ACSM4: variants seen among roughly 807,000 people sequenced by gnomAD.
The protein encoded by ACSM4 is acyl-coenzyme A synthetase ACSM4, mitochondrial.
A neutral mutation model predicts 73.0 loss-of-function variants in ACSM4; 66 were observed. The ratio of observed to expected loss-of-function variants is 0.90; its 90% CI spans 0.74 to 1.11. ACSM4 has a LOEUF of 1.11. ACSM4 is among the 50% of genes least tolerant of loss of function. The probability of loss-of-function intolerance (pLI) is 0.00; values close to 1 mark genes in which losing one functional copy is unlikely to be tolerated. For synonymous variants in ACSM4, 222 were observed against 254.0 expected, an observed-to-expected ratio of 0.87 and a Z score of 1.20; for missense variants, 645 against 714.4, an observed-to-expected ratio of 0.90 and a Z score of 1.11.
At chr12:7,306,845 GACAAAA>G in intron 2 of ACSM4, 102 bp downstream of exon 2, 1 of 332,950 alleles carries the variant, frequency 3.0e-6, no homozygotes, top group Non-Finnish European at 4.1e-6. Flanking sequence ...GCATACAGAA[GACAAAA>G]AAAAAAAAAA....
rs762939898 is a variant in ACSM4, at chr12:7,310,686, C to T, written c.560C>T (p.Thr187Ile). Residue 187 changes from threonine (T) to isoleucine (I), a missense_variant, in exon 3 of 13, where the codon ACA becomes ATA. By Grantham distance (89) the Thr-to-Ile change is moderately conservative. Transcript: ENST00000399422. ...GTATTGGAGTGTCCTGACCTTAAGA[C>T]AAAACTCCTGGTGTCTCCACAAAGC... ...SIVLECPDLK[T>I]KLLVSPQSWN... is the part of the protein sequence containing the mutation. 1.2e-6 allele frequency: 2 copies of T among 1,613,598 alleles called. No individual in the cohort carries two copies. The highest frequency in any genetic ancestry group is 1.1e-5 in the South Asian group (1 of 90,972).
intron 2 of ACSM4, among the ~76,000 whole-genome samples, chr12:7,309,767 G>T (rs1946379965): frequency 6.6e-6 from 1 of 151,888 alleles, no homozygotes; most frequent in African/African-American, 2.4e-5. Context: ...ACTCACTTTG[G>T]AGGCCACTGG....
rs774837620 is a variant in ACSM4 at position 7,323,236 on chromosome 12, A to C, written c.1128A>C (p.Gly376=). 48 of 1,606,892 alleles carry C rather than the reference A, an allele frequency of 3.0e-5. No homozygotes were observed. Among genetic ancestry groups the C allele is most frequent in the Non-Finnish European group, 4.0e-5 (47 of 1,176,688 alleles). ...LYEGYGQTEV[G]MICANQKGQE... The stretch of plus-strand genomic sequence containing the variant: ...TACAAAGCTTGTCCTCTCAATAGGG[A>C]ATGATTTGTGCCAATCAGAAAGGCC... The change falls in exon 8 of 13, where the codon GGA becomes GGC. Residue 376 remains glycine (G), a splice_region_variant and synonymous_variant. Coordinates refer to ENST00000399422, the MANE Select transcript of ACSM4 (RefSeq NM_001080454.2).
At chr12:7,320,851 T>A in intron 6 of ACSM4, 47 bp downstream of exon 6, 1 of 1,468,352 alleles carries the variant, frequency 6.8e-7, no homozygotes. Flanking sequence ...ATAGCTACCA[T>A]CCAGGATCAC....
chr12:7,328,546 C>A lies in ACSM4; in HGVS notation c.*173C>A, dbSNP rs1046897048. ...AAAAAGTTTAAAAGTAAATAAAAGC[C>A]TCAAAAACGTATGGATGAAAATTGT... On this transcript the variant is annotated 3_prime_UTR_variant, in exon 13 of 13. Coordinates refer to ENST00000399422, the MANE Select transcript of ACSM4 (RefSeq NM_001080454.2). 3.0e-5 allele frequency: 12 copies of A among 400,660 alleles called. No homozygotes were observed. Among genetic ancestry groups the A allele is most frequent in the African/African-American group, 2.3e-4 (11 of 47,368 alleles). The allele number at this position is 400,660 out of a possible 1,614,324, so 24.8% of individuals were successfully genotyped here.
intron 7 of ACSM4, among the ~76,000 whole-genome samples, chr12:7,322,785 G>A (rs769590214): frequency 6.6e-6 from 1 of 152,238 alleles, no homozygotes; most frequent in Admixed American, 6.5e-5. Context: ...AGGCGTTAGC[G>A]GGTGGGTGAG....
At chr12:7,307,852 T>G (rs1946370153) in intron 2 of ACSM4, among the ~76,000 whole-genome samples, 1 of 152,254 alleles carries the variant, frequency 6.6e-6, no homozygotes, top group Admixed American at 6.5e-5. Flanking sequence ...TCTGGGCCTT[T>G]ATTGAAAAGT....
intron 11 of ACSM4, among the ~76,000 whole-genome samples, chr12:7,325,291 T>G (rs1009240401): frequency 2.0e-5 from 3 of 152,198 alleles, no homozygotes; most frequent in African/African-American, 7.2e-5. Flanking sequence ...AAGCCACAGA[T>G]TTCACTGAAT....
chr12:7,314,669 TC>T (rs1362798884), intron 3 of ACSM4, among the ~76,000 whole-genome samples: 2 of 152,090 alleles, frequency 1.3e-5, no homozygotes, highest in Non-Finnish European at 2.9e-5. Flanking sequence ...ATGCCTTCTA[TC>T]AAAAGGTTTC....
intron 1 of ACSM4, among the ~76,000 whole-genome samples, 178 bp downstream of exon 1, chr12:7,304,710 C>T (rs1003857738): frequency 6.6e-6 from 1 of 152,178 alleles, no homozygotes; most frequent in African/African-American, 2.4e-5. Flanking sequence ...TCCTCAGCCA[C>T]AAATGGCTGG....
chr12:7,323,420 A>T, intron 8 of ACSM4, 39 bp from the exon 9 acceptor site: 5 of 1,607,950 alleles, frequency 3.1e-6, no homozygotes, highest in Non-Finnish European at 4.3e-6. Flanking sequence ...TTTTGTGAAA[A>T]GAAAATTTTA....
chr12:7,323,300 C>T lies in ACSM4; in HGVS notation c.1192C>T (p.Pro398Ser), dbSNP rs778808405. ...KPGSMGKGMLPYDVQIIDENG... is the reference protein window; with the variant it reads ...KPGSMGKGMLSYDVQIIDENG... ...AGGTTCAATGGGGAAAGGAATGCTG[C>T]CCTATGATGTCCAGGTAGGTTGAGA... Residue 398 changes from proline (P) to serine (S), a missense_variant, in exon 8 of 13, where the codon CCC becomes TCC. Physicochemically the swap from Pro to Ser is moderately conservative, Grantham distance 74. Coordinates refer to ENST00000399422, the MANE Select transcript of ACSM4 (RefSeq NM_001080454.2). 3.2e-5 allele frequency: 51 copies of T among 1,610,872 alleles called. No individual in the cohort carries two copies. The highest frequency in any genetic ancestry group is 4.2e-5 in the Non-Finnish European group (49 of 1,178,608).
intron 5 of ACSM4, 54 bp downstream of exon 5, chr12:7,318,236 T>TA (rs1278013385): frequency 2.5e-6 from 4 of 1,580,726 alleles, no homozygotes; most frequent in Non-Finnish European, 3.4e-6. Flanking sequence ...TTGTTTCCCA[T>TA]AAAATCACAA....
At position 7,320,502 on chromosome 12, in the gene ACSM4, T is replaced by C. The variant is rs145262450; in HGVS notation, c.922-223T>C. ...CTTGTTGAATTAGATTGTGTATGTC[T>C]GTTACTGTAATATTAATATATATAC... is the stretch of plus-strand genomic sequence containing the variant. On this transcript the variant is annotated intron_variant, in intron 5 of 12. Transcript: ENST00000399422. Among the ~76,000 whole-genome samples the C allele has an allele frequency of 4.4e-3, 676 of 152,354 alleles. 4 individuals are homozygous for C. Among genetic ancestry groups the C allele is most frequent in the Middle Eastern group, 0.024 (7 of 294 alleles).
Position 7,309,905 on chromosome 12 carries a change from T to A in ACSM4, c.413-634T>A, listed in dbSNP as rs182285470. On this transcript the variant is annotated intron_variant, in intron 2 of 12. Transcript: ENST00000399422. ...TTCAAGTGATTCTCCTGCCTAGGCC[T>A]CCTGAGTAGCTGGGACTATAGGCGT... 2.1e-3 allele frequency among the ~76,000 whole-genome samples: 326 copies of A among 152,298 alleles called. 1 individual carries two copies. The highest frequency in any genetic ancestry group is 7.3e-3 in the African/African-American group (304 of 41,570).
intron 6 of ACSM4, among the ~76,000 whole-genome samples, chr12:7,321,376 A>G (rs1244293788): frequency 3.3e-5 from 5 of 152,242 alleles, no homozygotes; most frequent in South Asian, 2.1e-4. Flanking sequence ...TTCAAACTCA[A>G]TACATGAGGA....
Position 7,325,516 on chromosome 12 carries a change from G to A in ACSM4, c.1536+918G>A, listed in dbSNP as rs780236352. ...ACAAAAATTAGCCTGGCATGGTGGC[G>A]GGCACCTGTAATCTCAGCTACTTAG... On this transcript the variant is annotated intron_variant, in intron 11 of 12. Transcript: ENST00000399422. Among the ~76,000 whole-genome samples the A allele has an allele frequency of 1.1e-4, 17 of 152,198 alleles. No individual in the cohort carries two copies. In the South Asian group the frequency reaches 2.1e-3, roughly 19 times the overall value.
At chr12:7,306,914 A>G (rs1946365852) in intron 2 of ACSM4, among the ~76,000 whole-genome samples, 171 bp downstream of exon 2, 1 of 150,780 alleles carries the variant, frequency 6.6e-6, no homozygotes, top group African/African-American at 2.4e-5. Flanking sequence ...ACCAAGAGGG[A>G]GGTATTAGTG....
chr12:7,327,581 A>G (rs1166953896), intron 12 of ACSM4, among the ~76,000 whole-genome samples: 1 of 152,232 alleles, frequency 6.6e-6, no homozygotes, highest in Non-Finnish European at 1.5e-5. Flanking sequence ...GAACAATACT[A>G]CGTAAATACA....
Sources: allele counts gnomAD v4.1 joint callset (sites outside exome capture counted in the v4.1 genomes callset), GRCh38; gene constraint gnomAD v4.1.1; transcripts MANE v1.5; gene names NCBI Gene and HGNC (gene_info 2026-07-23, HGNC 2026-07-21).